KCNT2: variants seen among roughly 807,000 people sequenced by gnomAD.
KCNT2 encodes potassium channel subfamily T member 2.
A neutral mutation model predicts 153.8 loss-of-function variants in KCNT2; 67 were observed. The observed-to-expected ratio is 0.44, with a 90% confidence interval of 0.36 to 0.53. KCNT2 has a LOEUF of 0.53. Among genes scored for constraint, KCNT2 ranks in the 20% least tolerant of loss-of-function variants. The pLI, the probability that KCNT2 is intolerant of heterozygous loss-of-function variation, is 0.00. For synonymous variants in KCNT2, 500 were observed against 458.8 expected, an observed-to-expected ratio of 1.09 and a Z score of -1.15; for missense variants, 975 against 1,354.8, an observed-to-expected ratio of 0.72 and a Z score of 4.40.
chr1:196,520,383 T>A (rs537322551), intron 1 of KCNT2, among the ~76,000 whole-genome samples: 1 of 151,968 alleles, frequency 6.6e-6, no homozygotes, highest in East Asian at 1.9e-4. Flanking sequence ...GCATTATACT[T>A]GAAAATTGGC....
At chr1:196,596,804 C>T (rs896218786) in intron 1 of KCNT2, among the ~76,000 whole-genome samples, 15 of 152,052 alleles carry the variant, frequency 9.9e-5, no homozygotes, top group African/African-American at 2.9e-4. Context: ...CAAGCTGAAG[C>T]GATCCTCCTA....
Position 196,425,836 on chromosome 1 carries a change from A to AG in KCNT2, c.1121+15dup. ...TCAAAACTGTAAGCTGCAAGATGAA[A>AG]GGCAGGGATACCTACTTTGCTCTCA... On this transcript the variant is annotated intron_variant, in intron 11 of 27. Transcript: ENST00000294725. 6.2e-7 allele frequency: 1 copy of AG among 1,609,106 alleles called. No homozygotes were observed. The highest frequency in any genetic ancestry group is 8.5e-7 in the Non-Finnish European group (1 of 1,177,658).
intron 14 of KCNT2, among the ~76,000 whole-genome samples, chr1:196,344,636 G>A (rs1665979841): frequency 6.6e-6 from 1 of 152,162 alleles, no homozygotes; most frequent in Admixed American, 6.6e-5. Context: ...AAGCCAGCAT[G>A]AGGTCAACTA....
At chr1:196,559,181 A>G (rs1659066562) in intron 1 of KCNT2, among the ~76,000 whole-genome samples, 2 of 151,664 alleles carry the variant, frequency 1.3e-5, no homozygotes, top group Admixed American at 6.6e-5. Flanking sequence ...TATTTACTTC[A>G]ATAGAAGTCA....
At chr1:196,428,827 T>C (rs1453108272) in intron 9 of KCNT2, among the ~76,000 whole-genome samples, 2 of 152,104 alleles carry the variant, frequency 1.3e-5, no homozygotes, top group Non-Finnish European at 2.9e-5. Flanking sequence ...TATGCAAGTT[T>C]GATTTGCATT....
chr1:196,488,290 G>A (rs966681462), intron 3 of KCNT2, among the ~76,000 whole-genome samples: 2 of 151,784 alleles, frequency 1.3e-5, no homozygotes, highest in Non-Finnish European at 2.9e-5. Flanking sequence ...ACCCATAAAG[G>A]CGACTTCTGT....
At chr1:196,564,289 T>A (rs1244390365) in intron 1 of KCNT2, among the ~76,000 whole-genome samples, 1 of 151,558 alleles carries the variant, frequency 6.6e-6, no homozygotes. Context: ...AGGAAAAAAA[T>A]TAACCAAGGA....
chr1:196,239,631 A>T (rs1654766383), intron 26 of KCNT2, among the ~76,000 whole-genome samples: 1 of 151,976 alleles, frequency 6.6e-6, no homozygotes, highest in Non-Finnish European at 1.5e-5. Context: ...TTCATGTTGA[A>T]GTATTTTAAG....
chr1:196,473,031 A>T (rs1678230889), intron 5 of KCNT2, among the ~76,000 whole-genome samples: 1 of 152,210 alleles, frequency 6.6e-6, no homozygotes, highest in Admixed American at 6.5e-5. Flanking sequence ...CTCCAACCTT[A>T]TTTTAAAGAT....
At chr1:196,306,008 G>T (rs1038111840) in intron 21 of KCNT2, among the ~76,000 whole-genome samples, 1 of 151,756 alleles carries the variant, frequency 6.6e-6, no homozygotes, top group Non-Finnish European at 1.5e-5. Context: ...GCACACATAC[G>T]TACACGCTCA....
chr1:196,427,155 A>G (rs1673728838), intron 10 of KCNT2, among the ~76,000 whole-genome samples: 1 of 151,970 alleles, frequency 6.6e-6, no homozygotes, highest in South Asian at 2.1e-4. Context: ...TAATTAAAAA[A>G]ACAAGTATGG....
intron 12 of KCNT2, among the ~76,000 whole-genome samples, chr1:196,405,876 T>C (rs1241482795): frequency 6.6e-6 from 1 of 151,544 alleles, no homozygotes; most frequent in African/African-American, 2.4e-5. Context: ...CCAAAATTTA[T>C]AAGCGATTGA....
chr1:196,527,115 C>G (rs1356856214), intron 1 of KCNT2, among the ~76,000 whole-genome samples: 1 of 152,148 alleles, frequency 6.6e-6, no homozygotes, highest in Non-Finnish European at 1.5e-5. Context: ...AACTGTGCCC[C>G]CACTGGTCTA....
intron 1 of KCNT2, among the ~76,000 whole-genome samples, chr1:196,576,923 CA>C (rs780418035): frequency 7.9e-5 from 12 of 152,146 alleles, no homozygotes; most frequent in Admixed American, 3.3e-4. Context: ...TCTTTCCCAG[CA>C]AAACATTTTC....
intron 1 of KCNT2, among the ~76,000 whole-genome samples, chr1:196,541,160 C>A (rs1196557539): frequency 6.6e-6 from 1 of 151,426 alleles, no homozygotes; most frequent in East Asian, 1.9e-4. Context: ...CATCTAATAT[C>A]TAATTATCAC....
Position 196,343,933 on chromosome 1 carries a change from C to T in KCNT2, c.1404-1705G>A, listed in dbSNP as rs1665907785. 3.3e-5 allele frequency among the ~76,000 whole-genome samples: 5 copies of T among 152,124 alleles called. No individual in the cohort carries two copies. The South Asian group carries it at 1.0e-3, about 32-fold the overall frequency. ...TAGCTGGGATTACAGGCACCTGCCA[C>T]CATGCCCAGCTAATTTTTGTATTTT... On this transcript the variant is annotated intron_variant, in intron 14 of 27. Coordinates refer to ENST00000294725, the MANE Select transcript of KCNT2 (RefSeq NM_198503.5).
In KCNT2 at chr1:196,465,399, C is replaced by T; in HGVS notation, c.544-12G>A. On this transcript the variant is annotated splice_polypyrimidine_tract_variant and intron_variant, in intron 7 of 27. Transcript: ENST00000294725. ...CTGTGTAGATCATTCTAAAATAATA[C>T]AGAAAAAAAGTTGTAAATTTTGATA... The T allele has an allele frequency of 6.6e-7, 1 of 1,510,976 alleles. No individual in the cohort carries two copies. Among genetic ancestry groups the T allele is most frequent in the Non-Finnish European group, 9.1e-7 (1 of 1,097,816 alleles). The allele number at this position is 1,510,976 out of a possible 1,614,324, so 93.6% of individuals were successfully genotyped here.
intron 14 of KCNT2, among the ~76,000 whole-genome samples, chr1:196,365,367 T>C (rs1041242247): frequency 6.6e-6 from 1 of 152,112 alleles, no homozygotes; most frequent in Non-Finnish European, 1.5e-5. Context: ...CAAAAGAGTT[T>C]TATACTTCCT....
chr1:196,280,523 C>G (rs1658996391), intron 25 of KCNT2, among the ~76,000 whole-genome samples: 1 of 152,096 alleles, frequency 6.6e-6, no homozygotes, highest in South Asian at 2.1e-4. Flanking sequence ...GCCCTGAGAA[C>G]TTTTCTTATG....
Sources: gnomAD v4.1 joint callset for allele counts (sites outside exome capture counted in the v4.1 genomes callset) on GRCh38, gnomAD v4.1.1 for gene constraint, MANE v1.5 for transcripts, NCBI Gene and HGNC (gene_info 2026-07-23, HGNC 2026-07-21) for gene names.